UNC13B: variants seen among roughly 807,000 people sequenced by gnomAD.
UNC13B encodes protein unc-13 homolog B.
UNC13B carries 144 observed loss-of-function variants against 211.0 expected under a neutral mutation model. The ratio of observed to expected loss-of-function variants is 0.68; its 90% CI spans 0.60 to 0.78. The LOEUF (loss-of-function observed/expected upper bound fraction) is 0.78, where lower values mean the gene tolerates loss of function less well. Ranked by LOEUF, UNC13B falls within the 30% of genes least tolerant of loss-of-function variation. The pLI is 0.00. For synonymous variants in UNC13B, 709 were observed against 725.8 expected (o/e 0.98, Z 0.37); for missense variants, 1,777 against 2,002.0 (o/e 0.89, Z 2.14).
At position 35,377,574 on chromosome 9, in the gene UNC13B, C is replaced by T; in HGVS notation, c.9942C>T (p.Ile3314=). 1 of 1,614,256 alleles carries T rather than the reference C, an allele frequency of 6.2e-7. No homozygotes were observed. The highest frequency in any genetic ancestry group is 1.1e-5 in the South Asian group (1 of 91,084). The part of the protein sequence containing the change: ...MKIRERNKPE[I]FEVIRDVFTV... Reference sequence around the variant, plus strand: ...TCCGAGAGCGAAATAAGCCAGAGATCTTTGAAGTTATCCGGGACGTCTTCA... The same window carrying T: ...TCCGAGAGCGAAATAAGCCAGAGATTTTTGAAGTTATCCGGGACGTCTTCA... Residue 3314 remains isoleucine, a synonymous_variant, in exon 16 of 40, where the codon ATC becomes ATT. Coordinates refer to ENST00000635942, the MANE Select transcript of UNC13B (RefSeq NM_001371189.2).
chr9:35,164,424 A>G (rs950297163), intron 1 of UNC13B, among the ~76,000 whole-genome samples: 4 of 152,252 alleles, frequency 2.6e-5, no homozygotes, highest in Non-Finnish European at 5.9e-5. Flanking sequence ...CTCAATTTCA[A>G]TTCATCTTGG....
intron 9 of UNC13B, among the ~76,000 whole-genome samples, chr9:35,310,135 A>G (rs1830112762): frequency 6.6e-6 from 1 of 152,258 alleles, no homozygotes; most frequent in African/African-American, 2.4e-5. Context: ...AGAAGACTGA[A>G]TAAAGAATTT....
intron 11 of UNC13B, among the ~76,000 whole-genome samples, chr9:35,345,182 TGTGA>T (rs1308591005): frequency 8.5e-5 from 13 of 152,198 alleles, no homozygotes; most frequent in African/African-American, 3.1e-4. Context: ...AAAGAGGGTA[TGTGA>T]GTGTTAAACA....
Position 35,382,360 on chromosome 9 carries a change from C to G in UNC13B, c.10659C>G (p.His3553Gln), listed in dbSNP as rs372457478. 3.9e-5 allele frequency: 63 copies of G among 1,611,020 alleles called. No individual in the cohort carries two copies. Among genetic ancestry groups the G allele is most frequent in the Non-Finnish European group, 4.9e-5 (58 of 1,179,094 alleles). ...CTGCGGGTGCTGTGTTTTTCAGGCA[C>G]TTTGCATGTTTATCATCCAAGTACA... Reference protein sequence around the residue: ...GIESIYQAMTHFACLSSKYMC... With the variant: ...GIESIYQAMTQFACLSSKYMC... Residue 3553 changes from histidine to glutamine, a missense_variant, in exon 21 of 40, where the codon CAC becomes CAG. Transcript: ENST00000635942.
At position 35,405,318 on chromosome 9, in the gene UNC13B, A is replaced by C. The variant is rs533168970; in HGVS notation, c.*1285A>C. On this transcript the variant is annotated 3_prime_UTR_variant, in exon 40 of 40. Coordinates refer to ENST00000635942, the MANE Select transcript of UNC13B (RefSeq NM_001371189.2). The stretch of plus-strand genomic sequence containing the variant: ...ACAGGAGATTATAGGCTAGTCTGTA[A>C]TAAATTATCTTATAGCAGCCTTTGG... 6.6e-6 allele frequency: 1 copy of C among 152,632 alleles called. No individual in the cohort carries two copies. The highest frequency in any genetic ancestry group is 2.4e-5 in the African/African-American group (1 of 41,446). 9.5% of individuals were successfully genotyped at this position (152,632 alleles called of 1,614,324 possible). A position where few individuals can be genotyped will look rare whatever the true frequency, so the allele number is the denominator to read the frequency against.
intron 11 of UNC13B, among the ~76,000 whole-genome samples, chr9:35,364,351 G>A (rs191089254): frequency 6.6e-6 from 1 of 152,212 alleles, no homozygotes; most frequent in Non-Finnish European, 1.5e-5. Flanking sequence ...AAAAATCCTG[G>A]GCCAGCAAAT....
intron 15 of UNC13B, among the ~76,000 whole-genome samples, chr9:35,376,494 A>G (rs189094016): frequency 2.0e-5 from 3 of 152,362 alleles, no homozygotes; most frequent in African/African-American, 7.2e-5. Flanking sequence ...TAGTGTAGCT[A>G]GAATCTTATA....
At chr9:35,380,752 G>A in intron 18 of UNC13B, 113 bp downstream of exon 18, 1 of 1,389,082 alleles carries the variant, frequency 7.2e-7, no homozygotes, top group Non-Finnish European at 9.9e-7. Context: ...TCTATACAGA[G>A]CCTGTCTCAC....
At chr9:35,332,498 A>C (rs550773508) in intron 11 of UNC13B, among the ~76,000 whole-genome samples, 253 of 152,196 alleles carry the variant, frequency 1.7e-3, no homozygotes, top group Non-Finnish European at 3.1e-3. Context: ...CCTCCCACTT[A>C]GATCATTTGC....
At chr9:35,341,505 G>A (rs1425828417) in intron 11 of UNC13B, among the ~76,000 whole-genome samples, 1 of 152,200 alleles carries the variant, frequency 6.6e-6, no homozygotes, top group Non-Finnish European at 1.5e-5. Flanking sequence ...TGCTCCAGCA[G>A]TTCCACGGCT....
chr9:35,308,317 A>G lies in UNC13B; in HGVS notation c.8913A>G (p.Gln2971=), dbSNP rs1164459405. ...AGATATTTCACCAGCTAGAAAAACA[A>G]GAAGAGGAGGCAGTACCTGCCAGTA... The part of the protein sequence containing the change: ...VSEIFHQLEK[Q]EEEAVPASTD... The change falls in exon 9 of 40, where the codon CAA becomes CAG. Residue 2971 remains glutamine (Q), a synonymous_variant. Transcript: ENST00000635942. 1 of 399,022 alleles carries G rather than the reference A, an allele frequency of 2.5e-6. No individual in the cohort carries two copies. The highest frequency in any genetic ancestry group is 4.4e-6 in the Non-Finnish European group (1 of 226,140). 24.7% of individuals were successfully genotyped at this position (399,022 alleles called of 1,614,324 possible). A position where few individuals can be genotyped will look rare whatever the true frequency, so the allele number is the denominator to read the frequency against.
chr9:35,384,809 G>T (rs1185106455), intron 22 of UNC13B: 4 of 881,550 alleles, frequency 4.5e-6, no homozygotes, highest in Non-Finnish European at 4.1e-6. Context: ...TATAGTAGGA[G>T]GATGGTTACT....
intron 1 of UNC13B, among the ~76,000 whole-genome samples, chr9:35,170,218 T>G (rs1587280179): frequency 6.6e-6 from 1 of 152,258 alleles, no homozygotes; most frequent in South Asian, 2.1e-4. Flanking sequence ...CAGGTTGGAG[T>G]GCAGTGGTGC....
intron 7 of UNC13B, among the ~76,000 whole-genome samples, chr9:35,275,666 C>G (rs997426676): frequency 1.3e-5 from 2 of 148,964 alleles, no homozygotes; most frequent in Non-Finnish European, 3.0e-5. Flanking sequence ...GATCTCGGCT[C>G]ACTGTGACCT....
chr9:35,199,403 T>C (rs1427895494), intron 1 of UNC13B, among the ~76,000 whole-genome samples: 1 of 152,184 alleles, frequency 6.6e-6, no homozygotes, highest in Non-Finnish European at 1.5e-5. Context: ...TTCTAGATCC[T>C]TGAGGAATCG....
At chr9:35,375,079 G>C in intron 13 of UNC13B, 48 bp from the exon 14 acceptor site, 2 of 1,607,928 alleles carry the variant, frequency 1.2e-6, no homozygotes, top group Non-Finnish European at 1.7e-6. Flanking sequence ...CCCAGACTTT[G>C]CCAGCCCTTG....
intron 1 of UNC13B, among the ~76,000 whole-genome samples, chr9:35,171,061 A>G (rs2131259427): frequency 6.6e-6 from 1 of 152,114 alleles, no homozygotes; most frequent in East Asian, 1.9e-4. Flanking sequence ...TGCCCGCCTC[A>G]GCCTCCCAAA....
At chr9:35,182,980 C>T (rs562389134) in intron 1 of UNC13B, among the ~76,000 whole-genome samples, 5 of 152,306 alleles carry the variant, frequency 3.3e-5, no homozygotes, top group African/African-American at 1.2e-4. Flanking sequence ...TTGATGGTCG[C>T]TGTCTCTTCA....
At position 35,206,947 on chromosome 9, in the gene UNC13B, T is replaced by C. The variant is rs367910337; in HGVS notation, c.23-21068T>C. 7.6e-4 allele frequency among the ~76,000 whole-genome samples: 115 copies of C among 152,186 alleles called. 2 individuals carry two copies. In the South Asian group the frequency reaches 0.019, roughly 25 times the overall value. On this transcript the variant is annotated intron_variant, in intron 1 of 39. Coordinates refer to ENST00000635942, the MANE Select transcript of UNC13B (RefSeq NM_001371189.2). ...TACCACAGTTTGTTTACCCATTCATTAGTTCATGGACATTTGGGTTGTTTC... is the reference window on the plus strand; with the variant it reads ...TACCACAGTTTGTTTACCCATTCATCAGTTCATGGACATTTGGGTTGTTTC...
Sources: gnomAD v4.1 joint callset for allele counts (sites outside exome capture counted in the v4.1 genomes callset) on GRCh38, gnomAD v4.1.1 for gene constraint, MANE v1.5 for transcripts, NCBI Gene and HGNC (gene_info 2026-07-23, HGNC 2026-07-21) for gene names.